The following CCDC93 variants were observed in gnomAD, a reference collection of about 807,000 sequenced individuals.
CCDC93 encodes the protein coiled-coil domain-containing protein 93.
CCDC93 carries 61 observed loss-of-function variants against 108.2 expected under a neutral mutation model. The observed-to-expected ratio is 0.56, with a 90% CI of 0.46 to 0.70. The LOEUF (loss-of-function observed/expected upper bound fraction) is 0.70, where lower values mean the gene tolerates loss of function less well. Among genes scored for constraint, CCDC93 ranks in the 30% least tolerant of loss-of-function variants. The pLI is 0.00. For missense variants in CCDC93, 685 were observed against 764.2 expected, an observed-to-expected ratio of 0.90 and a Z score of 1.22; for synonymous variants, 276 against 260.4, an observed-to-expected ratio of 1.06 and a Z score of -0.58.
At chr2:117,942,547 G>C (rs906777551) in intron 18 of CCDC93, among the ~76,000 whole-genome samples, 1 of 152,172 alleles carries the variant, frequency 6.6e-6, no homozygotes, top group African/African-American at 2.4e-5. Context: ...TAGCCTTCTT[G>C]ATTTCTAGTG....
chr2:118,003,513 G>T (rs115860226), intron 3 of CCDC93, among the ~76,000 whole-genome samples: 5 of 152,270 alleles, frequency 3.3e-5, no homozygotes, highest in Non-Finnish European at 7.4e-5. Context: ...TCAGCAGGAG[G>T]AGAGCTCCCT....
At chr2:118,008,509 A>T (rs752962758) in intron 2 of CCDC93, 36 bp downstream of exon 2, 1 of 1,176,440 alleles carries the variant, frequency 8.5e-7, no homozygotes, top group Admixed American at 2.0e-5. Flanking sequence ...CATTCTGACA[A>T]AAGATAGTGT....
intron 22 of CCDC93, 196 bp from the exon 23 acceptor site, chr2:117,931,346 T>G (rs1678320451): frequency 3.8e-6 from 2 of 521,942 alleles, no homozygotes; most frequent in Middle Eastern, 4.8e-4. Flanking sequence ...CAGCAATTTT[T>G]CTATCACTGA....
intron 11 of CCDC93, among the ~76,000 whole-genome samples, chr2:117,960,903 A>T (rs1679371271): frequency 6.6e-6 from 1 of 152,056 alleles, no homozygotes; most frequent in African/African-American, 2.4e-5. Context: ...GTAAATACAT[A>T]AGCTATTGGG....
chr2:117,944,914 T>C (rs1386690036), intron 17 of CCDC93: 5 of 432,294 alleles, frequency 1.2e-5, no homozygotes, highest in South Asian at 6.8e-5. Flanking sequence ...CTGGAGGGTT[T>C]TGGAATGCGG....
chr2:117,969,740 G>A (rs556393965), intron 11 of CCDC93, among the ~76,000 whole-genome samples: 1 of 152,138 alleles, frequency 6.6e-6, no homozygotes, highest in African/African-American at 2.4e-5. Flanking sequence ...AACATTGTCC[G>A]AATCACAAAA....
At chr2:118,009,386 G>A (rs781153596) in intron 1 of CCDC93, among the ~76,000 whole-genome samples, 7 of 151,356 alleles carry the variant, frequency 4.6e-5, no homozygotes, top group Middle Eastern at 3.5e-3. Context: ...CTTTATACTT[G>A]GCCAGGCACA....
chr2:117,975,133 T>C, intron 9 of CCDC93, 55 bp downstream of exon 9: 1 of 1,479,872 alleles, frequency 6.8e-7, no homozygotes, highest in Non-Finnish European at 9.4e-7. Flanking sequence ...AAGAGTACGA[T>C]TTCTCCCAAA....
At chr2:117,950,494 C>T (rs1370848906) in intron 13 of CCDC93, 4 of 985,440 alleles carry the variant, frequency 4.1e-6, no homozygotes, top group Middle Eastern at 5.2e-4. Context: ...CTGTCTGCAA[C>T]CCTCCATGCC....
intron 12 of CCDC93, among the ~76,000 whole-genome samples, chr2:117,958,022 G>T (rs537113909): frequency 6.6e-6 from 1 of 152,112 alleles, no homozygotes; most frequent in Non-Finnish European, 1.5e-5. Flanking sequence ...AGTAGTGCTC[G>T]GTAGATATTT....
Position 118,006,776 on chromosome 2 carries a change from A to C in CCDC93, c.197T>G (p.Phe66Cys). ...GMTWCITTCNFDVDVDLLFQE... is the reference protein window; with the variant it reads ...GMTWCITTCNCDVDVDLLFQE... ...AAAGAGCAAATCAACATCTACATCA[A>C]AGTTGCAAGTGGTGATACACCAAGT... Residue 66 changes from phenylalanine to cysteine, a missense_variant, in exon 3 of 24, where the codon TTT becomes TGT. Transcript: ENST00000376300. 1 of 1,612,384 alleles carries C rather than the reference A, an allele frequency of 6.2e-7. No individual in the cohort carries two copies. The highest frequency in any genetic ancestry group is 8.5e-7 in the Non-Finnish European group (1 of 1,178,432).
intron 14 of CCDC93, among the ~76,000 whole-genome samples, chr2:117,948,931 G>T (rs1425758932): frequency 6.6e-6 from 1 of 152,218 alleles, no homozygotes. Context: ...CTACCAAGGA[G>T]GCACGAGCTG....
chr2:117,927,174 G>T (rs1678141888), intron 23 of CCDC93, among the ~76,000 whole-genome samples: 1 of 152,012 alleles, frequency 6.6e-6, no homozygotes, highest in Admixed American at 6.6e-5. Flanking sequence ...TACTGAATGG[G>T]CAAAAACTGG....
At chr2:117,932,096 T>A (rs1678356631) in intron 22 of CCDC93, among the ~76,000 whole-genome samples, 1 of 151,906 alleles carries the variant, frequency 6.6e-6, no homozygotes, top group South Asian at 2.1e-4. Flanking sequence ...GCCTGGAAGC[T>A]CAGAGAGGCT....
intron 13 of CCDC93, chr2:117,951,398 A>G: frequency 1.0e-6 from 1 of 985,454 alleles, no homozygotes; most frequent in Non-Finnish European, 1.2e-6. Flanking sequence ...ATATTCTGAC[A>G]ATAACTGAAG....
In CCDC93 at chr2:117,948,129, T is replaced by C. The variant is rs1271035994; in HGVS notation, c.1200A>G (p.Glu400=). 1 of 1,613,858 alleles carries C rather than the reference T, an allele frequency of 6.2e-7. No homozygotes were observed. The highest frequency in any genetic ancestry group is 1.3e-5 in the African/African-American group (1 of 75,056). ...VAMNENLKSQ[E]QEFKAHCREE... is the part of the protein sequence containing the mutation. ...CTCGACAATGTGCTTTAAATTCCTG[T>C]TCTTGACTTTTCAGATTTTCATTCA... The change falls in exon 15 of 24, where the codon GAA becomes GAG. Residue 400 remains glutamate, a synonymous_variant. Coordinates refer to ENST00000376300, the MANE Select transcript of CCDC93 (RefSeq NM_019044.5).
At chr2:118,010,686 A>C (rs1289695181) in intron 1 of CCDC93, among the ~76,000 whole-genome samples, 4 of 152,180 alleles carry the variant, frequency 2.6e-5, no homozygotes, top group African/African-American at 9.6e-5. Context: ...TCAACAATGC[A>C]CCACACACAC....
chr2:117,987,316 C>A (rs556587158), intron 6 of CCDC93, among the ~76,000 whole-genome samples: 89 of 152,240 alleles, frequency 5.8e-4, no homozygotes, highest in Non-Finnish European at 9.1e-4. Flanking sequence ...CGCGGCCTAG[C>A]CCTAGGTAAC....
intron 23 of CCDC93, among the ~76,000 whole-genome samples, chr2:117,922,342 T>A (rs1456988335): frequency 1.3e-5 from 2 of 152,146 alleles, no homozygotes; most frequent in African/African-American, 4.8e-5. Context: ...CTTTGGGTGT[T>A]TGTTTCTAGA....
Sources: gnomAD v4.1 joint callset for allele counts (sites outside exome capture counted in the v4.1 genomes callset) on GRCh38, gnomAD v4.1.1 for gene constraint, MANE v1.5 for transcripts, NCBI Gene and HGNC (gene_info 2026-07-23, HGNC 2026-07-21) for gene names.